Variants in PCDHA2 observed in about 807,000 individuals in gnomAD.
The protein encoded by PCDHA2 is protocadherin alpha 2.
In PCDHA2, 58 loss-of-function variants were observed where a neutral mutation model predicts 66.0. The ratio of observed to expected loss-of-function variants is 0.88; its 90% CI spans 0.71 to 1.09. PCDHA2 has a LOEUF of 1.09. Among genes scored for constraint, PCDHA2 ranks in the 50% least tolerant of loss-of-function variants. The pLI is 0.00. For missense variants in PCDHA2, 1,267 were observed against 1,242.3 expected, an observed-to-expected ratio of 1.02 and a Z score of -0.30; for synonymous variants, 634 against 554.0, an observed-to-expected ratio of 1.14 and a Z score of -2.03.
chr5:140,952,709 T>C (rs2094784758), intron 1 of PCDHA2, among the ~76,000 whole-genome samples: 1 of 152,208 alleles, frequency 6.6e-6, no homozygotes, highest in Non-Finnish European at 1.5e-5. Flanking sequence ...CCACTCTCAG[T>C]ATCAATTTTC....
At chr5:140,980,553 C>G (rs1554241953) in intron 2 of PCDHA2, among the ~76,000 whole-genome samples, 1 of 152,062 alleles carries the variant, frequency 6.6e-6, no homozygotes, top group Admixed American at 6.6e-5. Context: ...TCGCTTGAAC[C>G]CGGGAGGCGG....
At chr5:140,868,018 A>C (rs987390119) in intron 1 of PCDHA2, 14 of 152,136 alleles carry the variant, frequency 9.2e-5, no homozygotes, top group African/African-American at 3.1e-4. Context: ...GATTAAGGAA[A>C]CCAATGTTGG....
At chr5:140,929,298 A>G (rs1554206937) in intron 1 of PCDHA2, 26 of 1,591,722 alleles carry the variant, frequency 1.6e-5, no homozygotes, top group Non-Finnish European at 2.1e-5. Context: ...GGAATAGGAA[A>G]GGGGATCACG....
At chr5:141,009,488 C>T (rs2098409682) in intron 3 of PCDHA2, 139 bp from the exon 4 acceptor site, 4 of 1,469,622 alleles carry the variant, frequency 2.7e-6, no homozygotes, top group Non-Finnish European at 3.6e-6. Context: ...CTTGCCTTGC[C>T]CTCAGACTTG....
chr5:140,802,823 G>A, intron 1 of PCDHA2: 2 of 1,613,590 alleles, frequency 1.2e-6, no homozygotes, highest in Non-Finnish European at 1.7e-6. Flanking sequence ...ATGCGGGCGT[G>A]CCGCCTCTGG....
intron 1 of PCDHA2, among the ~76,000 whole-genome samples, chr5:140,909,670 G>C (rs940080549): frequency 6.6e-6 from 1 of 152,142 alleles, no homozygotes; most frequent in African/African-American, 2.4e-5. Flanking sequence ...CACTCTACCA[G>C]TCAGGGAGCC....
At chr5:141,002,557 CAGTT>C (rs2098085452) in intron 3 of PCDHA2, among the ~76,000 whole-genome samples, 1 of 152,180 alleles carries the variant, frequency 6.6e-6, no homozygotes, top group South Asian at 2.1e-4. Flanking sequence ...CAGGATCCAC[CAGTT>C]AGTGACCATG....
rs182361197 is a variant in PCDHA2, at chr5:140,979,956, T to G, written c.2447+949T>G. 2.0e-5 allele frequency among the ~76,000 whole-genome samples: 3 copies of G among 152,378 alleles called. No homozygotes were observed. In the East Asian group the frequency reaches 5.8e-4, roughly 29 times the overall value. ...GTGTAGAGTTAATGTGAAATTAGTT[T>G]TAGCCCATTAAAATGCATTAGATTG... On this transcript the variant is annotated intron_variant, in intron 2 of 3. Transcript: ENST00000526136.
intron 1 of PCDHA2, chr5:140,870,238 G>A: frequency 6.2e-7 from 1 of 1,614,162 alleles, no homozygotes; most frequent in Non-Finnish European, 8.5e-7. Context: ...CCGTGACTCA[G>A]GTGTCAACGG....
In PCDHA2 at chr5:140,982,464, T is replaced by C; in HGVS notation, c.2448-11T>C. 6.2e-7 allele frequency: 1 copy of C among 1,614,112 alleles called. No individual in the cohort carries two copies. Among genetic ancestry groups the C allele is most frequent in the Non-Finnish European group, 8.5e-7 (1 of 1,180,010 alleles). ...GATCTAACCGTTATCTGGGTCTGTG[T>C]GTTTATTCAGCTCTGTGCACCTAGA... On this transcript the variant is annotated splice_polypyrimidine_tract_variant and intron_variant, in intron 2 of 3. Coordinates refer to ENST00000526136, the MANE Select transcript of PCDHA2 (RefSeq NM_018905.3).
At chr5:140,862,742 T>A (rs2047519053) in intron 1 of PCDHA2, 2 of 577,562 alleles carry the variant, frequency 3.5e-6, no homozygotes, top group East Asian at 4.8e-5. Context: ...TATGTGTGGG[T>A]GCACGCGGAG....
intron 1 of PCDHA2, among the ~76,000 whole-genome samples, chr5:140,962,346 TC>T (rs35212677): frequency 6.6e-6 from 1 of 152,108 alleles, no homozygotes; most frequent in Non-Finnish European, 1.5e-5. Flanking sequence ...GAAGTAAAAC[TC>T]CCCCCAATAC....
rs2150473987 is a variant in PCDHA2 at position 140,850,218 on chromosome 5, G to C, written c.2388+52866G>C. ...GACACCTCGGATGAGGGGCACTGAC[G>C]GCGCAGTGAGCGAGATGGTGCTGCG... is the stretch of plus-strand genomic sequence containing the variant. On this transcript the variant is annotated intron_variant, in intron 1 of 3. Transcript: ENST00000526136. 11 of 1,593,684 alleles carry C rather than the reference G, an allele frequency of 6.9e-6. 1 individual carries two copies. The highest frequency in any genetic ancestry group is 4.4e-5 in the South Asian group (4 of 90,424).
rs1271034090 is a variant in PCDHA2 at position 140,842,237 on chromosome 5, G to T, written c.2388+44885G>T. ...AAATACGGGAGAAATAGTGATTCGG[G>T]GTAATTTGGATTTTGAACAAGAAAA... On this transcript the variant is annotated intron_variant, in intron 1 of 3. Transcript: ENST00000526136. 1.9e-6 allele frequency: 3 copies of T among 1,612,294 alleles called. No individual in the cohort carries two copies. The highest frequency in any genetic ancestry group is 3.3e-5 in the Admixed American group (2 of 59,972).
At chr5:140,882,556 T>C (rs367760301) in intron 1 of PCDHA2, 103 of 1,614,070 alleles carry the variant, frequency 6.4e-5, no homozygotes, top group African/African-American at 9.3e-5. Flanking sequence ...AGGAGCTGTG[T>C]GGGCGGAGCG....
In PCDHA2 at chr5:141,009,984, G is replaced by A. The variant is rs782207623; in HGVS notation, c.*47G>A. 6.3e-7 allele frequency: 1 copy of A among 1,581,532 alleles called. No homozygotes were observed. Among genetic ancestry groups the A allele is most frequent in the Admixed American group, 1.9e-5 (1 of 53,968 alleles). On this transcript the variant is annotated 3_prime_UTR_variant, in exon 4 of 4. Transcript: ENST00000526136. ...CACTTAGCCAGTTTTTGTAATAATG[G>A]CAAATCTCTCCCATGTAGCAATTCC... is the stretch of plus-strand genomic sequence containing the variant.
chr5:140,801,890 T>C (rs1762806602), intron 1 of PCDHA2: 1 of 1,614,178 alleles, frequency 6.2e-7, no homozygotes, highest in African/African-American at 1.3e-5. Flanking sequence ...TAAAGATCAC[T>C]GTTTTAGATG....
chr5:140,970,595 G>C (rs1554232604), intron 1 of PCDHA2, among the ~76,000 whole-genome samples: 1 of 152,098 alleles, frequency 6.6e-6, no homozygotes, highest in African/African-American at 2.4e-5. Context: ...TATGCTTTGT[G>C]ATACTTAAAA....
At chr5:140,928,690 A>G in intron 1 of PCDHA2, 3 of 1,614,180 alleles carry the variant, frequency 1.9e-6, no homozygotes, top group Non-Finnish European at 2.5e-6. Flanking sequence ...TTCCTACCAC[A>G]TCTCCCGGGC....
Sources: gnomAD v4.1 joint callset for allele counts (sites outside exome capture counted in the v4.1 genomes callset) on GRCh38, gnomAD v4.1.1 for gene constraint, MANE v1.5 for transcripts, NCBI Gene and HGNC (gene_info 2026-07-23, HGNC 2026-07-21) for gene names.